ZNF423: variants seen among roughly 807,000 people sequenced by gnomAD.
The protein encoded by ZNF423 is Ebf-associated zinc finger protein.
A neutral mutation model predicts 95.8 loss-of-function variants in ZNF423; 12 were observed. The ratio of observed to expected loss-of-function variants is 0.13; its 90% CI spans 0.08 to 0.20. The LOEUF (loss-of-function observed/expected upper bound fraction) is 0.20, where lower values mean the gene tolerates loss of function less well. Ranked by LOEUF, ZNF423 falls within the 10% of genes least tolerant of loss-of-function variation. ZNF423 has a pLI of 1.00. For missense variants in ZNF423, 1,316 were observed against 1,737.1 expected (o/e 0.76, Z 4.31); for synonymous variants, 749 against 711.9 (o/e 1.05, Z -0.83).
chr16:49,811,190 G>C (rs1219899384), intron 1 of ZNF423, among the ~76,000 whole-genome samples: 1 of 152,130 alleles, frequency 6.6e-6, no homozygotes, highest in East Asian at 1.9e-4. Flanking sequence ...ACGATTTCAA[G>C]AAGAAACAGA....
At chr16:49,614,349 G>A (rs1246052869) in intron 5 of ZNF423, among the ~76,000 whole-genome samples, 1 of 151,966 alleles carries the variant, frequency 6.6e-6, no homozygotes, top group Admixed American at 6.5e-5. Context: ...ATTGCTGGTA[G>A]GAATGTAAAA....
intron 5 of ZNF423, among the ~76,000 whole-genome samples, chr16:49,566,281 G>A (rs1441717761): frequency 6.6e-6 from 1 of 152,202 alleles, no homozygotes; most frequent in African/African-American, 2.4e-5. Context: ...GAAGGCCCAT[G>A]GCTCCTCCCA....
intron 5 of ZNF423, among the ~76,000 whole-genome samples, chr16:49,545,721 C>T (rs1969415617): frequency 6.6e-6 from 1 of 152,184 alleles, no homozygotes; most frequent in Admixed American, 6.5e-5. Flanking sequence ...AGTTCTGTCT[C>T]CCAAGCAAAG....
chr16:49,559,365 T>A (rs973438534), intron 5 of ZNF423, among the ~76,000 whole-genome samples: 1 of 152,214 alleles, frequency 6.6e-6, no homozygotes, highest in African/African-American at 2.4e-5. Flanking sequence ...TGAGGTATGG[T>A]GGGCTGGAGC....
intron 5 of ZNF423, among the ~76,000 whole-genome samples, chr16:49,554,833 A>G (rs1023551993): frequency 2.6e-5 from 4 of 152,110 alleles, no homozygotes; most frequent in Non-Finnish European, 4.4e-5. Context: ...CTCTGAAGAT[A>G]TAAATCTTAC....
intron 3 of ZNF423, among the ~76,000 whole-genome samples, chr16:49,694,211 G>A (rs1028366318): frequency 3.3e-5 from 5 of 152,198 alleles, no homozygotes; most frequent in African/African-American, 1.2e-4. Flanking sequence ...AGGAGGGAGA[G>A]GGAGGGAGAC....
intron 5 of ZNF423, among the ~76,000 whole-genome samples, chr16:49,609,737 TA>T (rs900024592): frequency 8.7e-4 from 127 of 146,164 alleles, no homozygotes; most frequent in African/African-American, 2.2e-3. Flanking sequence ...CAGAAGGAGA[TA>T]AAAAAAAAAG....
chr16:49,789,663 C>G, intron 1 of ZNF423, 117 bp from the exon 2 acceptor site: 1 of 944,378 alleles, frequency 1.1e-6, no homozygotes, highest in South Asian at 2.0e-5. Context: ...ATACCCATCA[C>G]CAGGGGAGAG....
At chr16:49,697,154 G>A (rs1402815027) in intron 3 of ZNF423, among the ~76,000 whole-genome samples, 1 of 152,168 alleles carries the variant, frequency 6.6e-6, no homozygotes, top group Non-Finnish European at 1.5e-5. Context: ...CCCTCACCAA[G>A]GTGGGATGGA....
intron 1 of ZNF423, among the ~76,000 whole-genome samples, chr16:49,796,606 G>A (rs951581430): frequency 2.0e-5 from 3 of 152,190 alleles, no homozygotes; most frequent in Non-Finnish European, 2.9e-5. Flanking sequence ...AGGAAAGCTC[G>A]GGGGACAGAT....
intron 1 of ZNF423, among the ~76,000 whole-genome samples, chr16:49,811,003 G>A (rs1297229340): frequency 6.6e-6 from 1 of 152,148 alleles, no homozygotes; most frequent in African/African-American, 2.4e-5. Context: ...GGAAGTGAAG[G>A]AACTGATGCT....
chr16:49,819,061 G>A (rs1334931055), intron 1 of ZNF423, among the ~76,000 whole-genome samples: 1 of 151,802 alleles, frequency 6.6e-6, no homozygotes, highest in African/African-American at 2.4e-5. Context: ...AGACCATCCT[G>A]GCCAAATGGT....
At chr16:49,672,003 G>C (rs2030834975) in intron 3 of ZNF423, among the ~76,000 whole-genome samples, 1 of 152,120 alleles carries the variant, frequency 6.6e-6, no homozygotes, top group African/African-American at 2.4e-5. Flanking sequence ...TTATTTGCCT[G>C]TCCACAACTC....
chr16:49,825,374 T>C (rs1447657846), intron 1 of ZNF423, among the ~76,000 whole-genome samples: 1 of 152,128 alleles, frequency 6.6e-6, no homozygotes, highest in Non-Finnish European at 1.5e-5. Context: ...TATTTAAAAA[T>C]AACACATGTA....
intron 7 of ZNF423, among the ~76,000 whole-genome samples, chr16:49,507,303 A>AT (rs10709812): frequency 2.1e-4 from 32 of 150,552 alleles, no homozygotes; most frequent in East Asian, 7.8e-4. Flanking sequence ...ATGATCCCAC[A>AT]TTTTTTTTTT....
chr16:49,524,920 T>A (rs1478897731), intron 6 of ZNF423, among the ~76,000 whole-genome samples: 2 of 152,138 alleles, frequency 1.3e-5, no homozygotes. Context: ...GACCCCTGCA[T>A]CCTGGAGCAT....
At chr16:49,823,527 G>A (rs1377580381) in intron 1 of ZNF423, among the ~76,000 whole-genome samples, 1 of 152,172 alleles carries the variant, frequency 6.6e-6, no homozygotes, top group South Asian at 2.1e-4. Context: ...CCTAACCAGA[G>A]TCCTATGCTG....
At chr16:49,842,878 C>G (rs1391229749) in intron 1 of ZNF423, among the ~76,000 whole-genome samples, 1 of 150,972 alleles carries the variant, frequency 6.6e-6, no homozygotes, top group Non-Finnish European at 1.5e-5. Context: ...ACTCGGGAGG[C>G]TGAGGCAGGA....
chr16:49,507,552 CT>C lies in ZNF423; in HGVS notation c.3849+16071del, dbSNP rs540636746. ...TCCAGGTGTGGCCTCAGCTGGGAAA[CT>C]GGTCACTGTGCAGGAAGCAGAGAGC... On this transcript the variant is annotated intron_variant, in intron 7 of 7. Transcript: ENST00000563137. Among the ~76,000 whole-genome samples, 114 of 152,312 alleles carry C rather than the reference CT, an allele frequency of 7.5e-4. 3 individuals are homozygous for C. In the South Asian group the frequency reaches 0.023, roughly 31 times the overall value.
Sources: allele counts gnomAD v4.1 joint callset (sites outside exome capture counted in the v4.1 genomes callset), GRCh38; gene constraint gnomAD v4.1.1; transcripts MANE v1.5; gene names NCBI Gene and HGNC (gene_info 2026-07-23, HGNC 2026-07-21).